Variants in NAA11 observed in about 807,000 individuals in gnomAD.
The protein encoded by NAA11 is N-alpha-acetyltransferase 11.
In NAA11, 15 loss-of-function variants were observed where a neutral mutation model predicts 16.1. The ratio of observed to expected loss-of-function variants is 0.93; its 90% CI spans 0.62 to 1.44. The LOEUF (loss-of-function observed/expected upper bound fraction) is 1.44, where lower values mean the gene tolerates loss of function less well. Ranked by LOEUF, NAA11 falls within the 40% of genes most tolerant of loss-of-function variation. The pLI, the probability that NAA11 is intolerant of heterozygous loss-of-function variation, is 0.00. For synonymous variants in NAA11, 122 were observed against 112.4 expected, an observed-to-expected ratio of 1.09 and a Z score of -0.54; for missense variants, 298 against 291.3, an observed-to-expected ratio of 1.02 and a Z score of -0.17.
chr4:79,244,088 G>A (rs1721752561), intron 2 of NAA11, among the ~76,000 whole-genome samples: 1 of 152,210 alleles, frequency 6.6e-6, no homozygotes, highest in Admixed American at 6.5e-5. Flanking sequence ...TGACCAGGAA[G>A]TTACTTCTCC....
At chr4:79,276,436 C>T (rs1722646626) in intron 2 of NAA11, among the ~76,000 whole-genome samples, 7 of 152,134 alleles carry the variant, frequency 4.6e-5, no homozygotes, top group Admixed American at 4.6e-4. Context: ...AAGTTCGCCA[C>T]CCTGCAGGTC....
the NAA11 span, among the ~76,000 whole-genome samples, chr4:79,214,176 C>T: frequency 6.6e-6 from 1 of 152,088 alleles, no homozygotes. Flanking sequence ...ATTTCCAATA[C>T]ACATTGTGGT....
chr4:79,239,645 A>T (rs1409649664), intron 2 of NAA11, among the ~76,000 whole-genome samples: 2 of 152,140 alleles, frequency 1.3e-5, no homozygotes, highest in East Asian at 3.9e-4. Context: ...GGTTGCAGTG[A>T]GCCAAGATAG....
chr4:79,303,873 G>A (rs572304110), intron 1 of NAA11, among the ~76,000 whole-genome samples: 2 of 152,230 alleles, frequency 1.3e-5, no homozygotes, highest in East Asian at 3.9e-4. Flanking sequence ...AGCCTAGATG[G>A]CCTGAGAAAG....
chr4:79,219,869 G>A, the NAA11 span, among the ~76,000 whole-genome samples: 4 of 152,078 alleles, frequency 2.6e-5, no homozygotes, highest in African/African-American at 7.2e-5. Flanking sequence ...GCAAATTAAC[G>A]ATAATATCTG....
rs113893627 is a variant in NAA11 at position 79,250,856 on chromosome 4, A to G, written c.*123-24586T>C. Reference sequence around the variant, plus strand: ...AAAGAAGACATACATGGGCCCTACAAGCATATGAAGAAATATTCAACATCA... The same window carrying G: ...AAAGAAGACATACATGGGCCCTACAGGCATATGAAGAAATATTCAACATCA... On this transcript the variant is annotated intron_variant and NMD_transcript_variant, in intron 2 of 2. Transcript: ENST00000511542. Among the ~76,000 whole-genome samples the G allele has an allele frequency of 4.6e-5, 7 of 152,374 alleles. 1 individual carries two copies. Among genetic ancestry groups the G allele is most frequent in the African/African-American group, 1.7e-4 (7 of 41,600 alleles).
chr4:79,203,774 A>T, the NAA11 span, among the ~76,000 whole-genome samples: 11 of 151,872 alleles, frequency 7.2e-5, no homozygotes, highest in African/African-American at 2.7e-4. Context: ...CTGAAAATGT[A>T]TTTGAAATAG....
At chr4:79,230,322 C>A (rs915946052) in intron 2 of NAA11, among the ~76,000 whole-genome samples, 1 of 151,744 alleles carries the variant, frequency 6.6e-6, no homozygotes, top group African/African-American at 2.4e-5. Context: ...ATACCTAATG[C>A]TAGATGACGA....
chr4:79,216,915 C>T, the NAA11 span, among the ~76,000 whole-genome samples: 1 of 152,168 alleles, frequency 6.6e-6, no homozygotes. Flanking sequence ...AATTTTTCCA[C>T]CAAACATATG....
chr4:79,324,381 GT>G (rs1724193609), intron 1 of NAA11, among the ~76,000 whole-genome samples: 1 of 152,106 alleles, frequency 6.6e-6, no homozygotes, highest in South Asian at 2.1e-4. Flanking sequence ...TACATGGTTT[GT>G]TTGAATCAGT....
At chr4:79,249,103 C>T (rs1345708506) in intron 2 of NAA11, among the ~76,000 whole-genome samples, 1 of 152,170 alleles carries the variant, frequency 6.6e-6, no homozygotes, top group Non-Finnish European at 1.5e-5. Flanking sequence ...CTGAGCGGAG[C>T]CCTGGGCCCC....
chr4:79,245,599 C>T (rs1043127811), intron 2 of NAA11: 4 of 153,434 alleles, frequency 2.6e-5, no homozygotes, highest in East Asian at 2.0e-4. Flanking sequence ...GCCGCCACCC[C>T]GTCTGGGAAC....
At chr4:79,207,367 T>TAAAAA in the NAA11 span, among the ~76,000 whole-genome samples, 3 of 115,916 alleles carry the variant, frequency 2.6e-5, 1 homozygote, top group Non-Finnish European at 5.1e-5. Flanking sequence ...TGAATGAGGT[T>TAAAAA]AAAAAAAAAA....
At chr4:79,248,895 T>C (rs183349377) in intron 2 of NAA11, among the ~76,000 whole-genome samples, 28 of 152,264 alleles carry the variant, frequency 1.8e-4, no homozygotes, top group South Asian at 4.1e-4. Flanking sequence ...CACTGACACA[T>C]GCAAGTGATT....
chr4:79,182,579 CTTTTT>C, the NAA11 span, among the ~76,000 whole-genome samples: 2 of 152,042 alleles, frequency 1.3e-5, no homozygotes, highest in African/African-American at 4.8e-5. Context: ...GAAGTAGTGT[CTTTTT>C]TTTAAGAAGC....
At chr4:79,298,438 C>A (rs1723288334) in intron 1 of NAA11, among the ~76,000 whole-genome samples, 1 of 152,202 alleles carries the variant, frequency 6.6e-6, no homozygotes, top group Non-Finnish European at 1.5e-5. Context: ...AGGGCTGTGA[C>A]TCCCTCTTTG....
At chr4:79,171,655 A>C in the NAA11 span, among the ~76,000 whole-genome samples, 5 of 152,198 alleles carry the variant, frequency 3.3e-5, no homozygotes, top group African/African-American at 1.2e-4. Context: ...CAATGTGAAC[A>C]TAGCACCATT....
At chr4:79,172,681 T>A in the NAA11 span, among the ~76,000 whole-genome samples, 286 of 152,274 alleles carry the variant, frequency 1.9e-3, 1 homozygote, top group Middle Eastern at 0.014. Flanking sequence ...GGTAGCTTTT[T>A]CAAGCTGTCC....
the NAA11 span, among the ~76,000 whole-genome samples, chr4:79,198,357 A>G: frequency 2.6e-5 from 4 of 151,942 alleles, no homozygotes; most frequent in African/African-American, 9.7e-5. Context: ...TGTACTTTCC[A>G]TCTGAATTGT....
Sources: gnomAD v4.1 joint callset for allele counts (sites outside exome capture counted in the v4.1 genomes callset) on GRCh38, gnomAD v4.1.1 for gene constraint, MANE v1.5 for transcripts, NCBI Gene and HGNC (gene_info 2026-07-23, HGNC 2026-07-21) for gene names.